Variants in NELL1 observed in about 807,000 individuals in gnomAD.
NELL1 encodes the protein neural EGFL like 1.
NELL1 carries 76 observed loss-of-function variants against 107.4 expected under a neutral mutation model. That is an observed-to-expected ratio of 0.71 (90% confidence interval 0.59 to 0.86). NELL1 has a LOEUF of 0.86. Among genes scored for constraint, NELL1 ranks in the 40% least tolerant of loss-of-function variants. The probability of loss-of-function intolerance (pLI) is 0.00; values close to 1 mark genes in which losing one functional copy is unlikely to be tolerated. For synonymous variants in NELL1, 353 were observed against 341.2 expected (o/e 1.03, Z -0.38); for missense variants, 1,024 against 1,005.5 (o/e 1.02, Z -0.25).
chr11:21,367,848 A>C (rs1851263945), intron 14 of NELL1, among the ~76,000 whole-genome samples: 1 of 152,130 alleles, frequency 6.6e-6, no homozygotes, highest in Non-Finnish European at 1.5e-5. Flanking sequence ...ATCTCCTCAC[A>C]AACTGGAAAG....
chr11:21,389,321 A>T lies in NELL1; in HGVS notation c.1645+18373A>T, dbSNP rs531269043. On this transcript the variant is annotated intron_variant, in intron 15 of 19. Coordinates refer to ENST00000357134, the MANE Select transcript of NELL1 (RefSeq NM_006157.5). ...TTTCTGGTTTTCTAAGTTATTAAAT[A>T]TCTGCATTGTTGAAAGTATTCCTGA... Among the ~76,000 whole-genome samples the T allele has an allele frequency of 3.6e-4, 55 of 151,964 alleles. No individual in the cohort carries two copies. In the South Asian group the frequency reaches 7.7e-3, roughly 21 times the overall value.
chr11:20,731,283 T>C (rs1051079448), intron 2 of NELL1, among the ~76,000 whole-genome samples: 1 of 152,228 alleles, frequency 6.6e-6, no homozygotes, highest in Non-Finnish European at 1.5e-5. Flanking sequence ...TAAAGCACTT[T>C]GGAAATTACC....
chr11:21,201,408 C>A (rs1857266811), intron 13 of NELL1, among the ~76,000 whole-genome samples: 1 of 152,116 alleles, frequency 6.6e-6, no homozygotes, highest in Non-Finnish European at 1.5e-5. Flanking sequence ...AATGGTAGTT[C>A]ACTCATGATT....
chr11:20,794,798 G>A (rs890690573), intron 3 of NELL1, among the ~76,000 whole-genome samples: 2 of 152,046 alleles, frequency 1.3e-5, no homozygotes, highest in African/African-American at 2.4e-5. Flanking sequence ...CCCCCAGTTC[G>A]GTGATTAAAG....
At chr11:20,839,993 G>A (rs1282554050) in intron 3 of NELL1, among the ~76,000 whole-genome samples, 1 of 152,178 alleles carries the variant, frequency 6.6e-6, no homozygotes, top group African/African-American at 2.4e-5. Flanking sequence ...CAAAATGTTT[G>A]GGTTTGATAC....
At chr11:20,857,680 C>T (rs947025224) in intron 4 of NELL1, among the ~76,000 whole-genome samples, 9 of 152,206 alleles carry the variant, frequency 5.9e-5, no homozygotes, top group East Asian at 1.9e-4. Context: ...CTCTGCAGGA[C>T]GCTGCCCAGG....
intron 14 of NELL1, among the ~76,000 whole-genome samples, chr11:21,290,055 G>T (rs1021384303): frequency 1.3e-5 from 2 of 152,168 alleles, no homozygotes; most frequent in Admixed American, 1.3e-4. Context: ...AGGGGCATCT[G>T]TGGGTGCAGC....
chr11:21,291,315 C>T (rs1156483604), intron 14 of NELL1, among the ~76,000 whole-genome samples: 2 of 152,058 alleles, frequency 1.3e-5, no homozygotes, highest in Non-Finnish European at 2.9e-5. Flanking sequence ...CACAACGTAC[C>T]AGAATCTCTG....
chr11:21,462,000 G>A (rs1236771961), intron 15 of NELL1, among the ~76,000 whole-genome samples: 4 of 152,048 alleles, frequency 2.6e-5, no homozygotes, highest in Admixed American at 6.6e-5. Flanking sequence ...AATAAACTGG[G>A]AGAAGTCTGA....
intron 5 of NELL1, among the ~76,000 whole-genome samples, chr11:20,893,387 T>TA (rs1022434139): frequency 2.0e-5 from 3 of 147,726 alleles, no homozygotes; most frequent in African/African-American, 7.5e-5. Context: ...TTTTAATAAA[T>TA]AAAAAAATAA....
chr11:21,018,930 T>G (rs1420319748), intron 12 of NELL1, among the ~76,000 whole-genome samples: 1 of 152,106 alleles, frequency 6.6e-6, no homozygotes, highest in Non-Finnish European at 1.5e-5. Context: ...TTCCTAATGT[T>G]TGGACATCTC....
At chr11:20,875,587 T>A (rs1363510128) in intron 4 of NELL1, among the ~76,000 whole-genome samples, 2 of 152,154 alleles carry the variant, frequency 1.3e-5, no homozygotes, top group Non-Finnish European at 2.9e-5. Context: ...ACAAAAATTT[T>A]AAAAAATTAA....
intron 17 of NELL1, among the ~76,000 whole-genome samples, chr11:21,563,842 CTTAAAGGATG>C: frequency 6.6e-6 from 1 of 151,920 alleles, no homozygotes; most frequent in Non-Finnish European, 1.5e-5. Context: ...TGAAGGGGCC[CTTAAAGGATG>C]AGGAATTTAA....
At chr11:21,569,824 C>T (rs11026135) in intron 17 of NELL1, among the ~76,000 whole-genome samples, 73,801 of 151,484 alleles carry the variant, frequency 0.49, 18,497 homozygotes, top group Non-Finnish European at 0.52. Context: ...TGAATATGAC[C>T]TCAACTGTAG....
At chr11:20,751,080 G>T (rs1032171867) in intron 2 of NELL1, among the ~76,000 whole-genome samples, 3 of 151,586 alleles carry the variant, frequency 2.0e-5, no homozygotes, top group Non-Finnish European at 4.4e-5. Flanking sequence ...TTTCTATTCC[G>T]CTGATCTATA....
chr11:21,218,399 G>T (rs1225257041), intron 13 of NELL1, among the ~76,000 whole-genome samples: 1 of 152,036 alleles, frequency 6.6e-6, no homozygotes, highest in African/African-American at 2.4e-5. Flanking sequence ...GATACAGAAT[G>T]ACATTTAAAT....
chr11:20,819,921 A>C (rs1857712789), intron 3 of NELL1, among the ~76,000 whole-genome samples: 1 of 152,234 alleles, frequency 6.6e-6, no homozygotes, highest in Non-Finnish European at 1.5e-5. Context: ...CCTAAGGGAC[A>C]AAGAGATGAT....
intron 9 of NELL1, among the ~76,000 whole-genome samples, chr11:20,934,551 G>A (rs1850683552): frequency 6.6e-6 from 1 of 152,244 alleles, no homozygotes; most frequent in African/African-American, 2.4e-5. Context: ...ATTTGGACAA[G>A]TGCCTTAAGG....
At chr11:21,568,242 G>A (rs1002632084) in intron 17 of NELL1, among the ~76,000 whole-genome samples, 21 of 151,620 alleles carry the variant, frequency 1.4e-4, no homozygotes, top group African/African-American at 4.6e-4. Context: ...ATATCCAAAC[G>A]TAGAAAAGGT....
Sources: allele counts gnomAD v4.1 joint callset (sites outside exome capture counted in the v4.1 genomes callset), GRCh38; gene constraint gnomAD v4.1.1; transcripts MANE v1.5; gene names NCBI Gene and HGNC (gene_info 2026-07-23, HGNC 2026-07-21).